Variants in SMURF2 observed in about 807,000 individuals in gnomAD.
The protein encoded by SMURF2 is SMAD specific E3 ubiquitin protein ligase 2.
SMURF2 carries 48 observed loss-of-function variants against 109.6 expected under a neutral mutation model. The ratio of observed to expected loss-of-function variants is 0.44; its 90% CI spans 0.35 to 0.56. SMURF2 has a LOEUF of 0.56. Among genes scored for constraint, SMURF2 ranks in the 20% least tolerant of loss-of-function variants. The probability of loss-of-function intolerance (pLI) is 0.01; values close to 1 mark genes in which losing one functional copy is unlikely to be tolerated. For synonymous variants in SMURF2, 288 were observed against 317.1 expected (o/e 0.91, Z 0.97); for missense variants, 575 against 909.0 (o/e 0.63, Z 4.72).
Position 64,554,890 on chromosome 17 carries a change from G to A in SMURF2, c.1714C>T (p.Pro572Ser). The change falls in exon 15 of 19, where the codon CCT (proline) becomes TCT (serine). Residue 572 changes from proline to serine, a missense_variant. Transcript: ENST00000262435. ...TCTTTTTTATTTTCTTCATTAACAG[G>A]GATACTTTTGCCATTTGGTTTAAGT... ...HELKPNGKSI[P>S]VNEENKKEYV... is the part of the protein sequence containing the mutation. The A allele has an allele frequency of 6.2e-7, 1 of 1,613,300 alleles. No homozygotes were observed. Among genetic ancestry groups the A allele is most frequent in the Non-Finnish European group, 8.5e-7 (1 of 1,179,628 alleles).
At chr17:64,575,970 C>T (rs1237723311) in intron 9 of SMURF2, among the ~76,000 whole-genome samples, 8 of 151,902 alleles carry the variant, frequency 5.3e-5, no homozygotes, top group African/African-American at 1.5e-4. Context: ...TTTGGGAGGC[C>T]GAGGTGCACA....
At chr17:64,624,891 G>T (rs1277425824) in intron 1 of SMURF2, among the ~76,000 whole-genome samples, 5 of 152,138 alleles carry the variant, frequency 3.3e-5, no homozygotes, top group African/African-American at 1.2e-4. Flanking sequence ...TTTATAGAGA[G>T]TATGAGCCAT....
intron 1 of SMURF2, among the ~76,000 whole-genome samples, chr17:64,636,589 C>T (rs1274700699): frequency 7.2e-6 from 1 of 138,026 alleles, no homozygotes; most frequent in Non-Finnish European, 1.5e-5. Flanking sequence ...GACATCAGGG[C>T]CAGACTCTGC....
intron 1 of SMURF2, among the ~76,000 whole-genome samples, chr17:64,628,115 C>T (rs1377599268): frequency 7.2e-5 from 11 of 152,236 alleles, no homozygotes; most frequent in Admixed American, 2.6e-4. Flanking sequence ...ATGGTGATTC[C>T]GCTGACTTTA....
intron 3 of SMURF2, chr17:64,594,209 C>T (rs1380922318): frequency 1.3e-5 from 2 of 152,128 alleles, no homozygotes; most frequent in Admixed American, 6.5e-5. Flanking sequence ...TGGCATCAAC[C>T]CATGCAAAAA....
At chr17:64,624,503 CAAAAAA>C (rs539075649) in intron 1 of SMURF2, among the ~76,000 whole-genome samples, 1 of 52,462 alleles carries the variant, frequency 1.9e-5, no homozygotes, top group African/African-American at 6.4e-5. Flanking sequence ...CAGGCCTCTA[CAAAAAA>C]AAAAAAAAAA....
Position 64,547,471 on chromosome 17 carries a change from T to G in SMURF2, c.2071+129A>C. The stretch of plus-strand genomic sequence containing the variant: ...GGAGGGAGAAGAAGGTATCACAATG[T>G]GAGAGTCACAGATAAGAAGTGAAAA... On this transcript the variant is annotated intron_variant, in intron 17 of 18. Transcript: ENST00000262435. This position sits in a 1 kb window ranked among gnomAD's most constrained non-coding sequence, Gnocchi z 4.2. The G allele has an allele frequency of 4.0e-6, 3 of 750,538 alleles. No individual in the cohort carries two copies. The highest frequency in any genetic ancestry group is 6.5e-6 in the Non-Finnish European group (3 of 458,076). 46.5% of individuals were successfully genotyped at this position (750,538 alleles called of 1,614,324 possible).
intron 1 of SMURF2, among the ~76,000 whole-genome samples, chr17:64,635,694 T>G (rs188126319): frequency 2.6e-5 from 4 of 152,222 alleles, no homozygotes; most frequent in Non-Finnish European, 5.9e-5. Context: ...TTCCATTGTA[T>G]AGATATGCCA....
At chr17:64,603,446 G>A (rs1180042122) in intron 2 of SMURF2, among the ~76,000 whole-genome samples, 5 of 151,998 alleles carry the variant, frequency 3.3e-5, no homozygotes, top group African/African-American at 9.7e-5. Context: ...GCTGGGTGTG[G>A]TGGCACATGC....
intron 1 of SMURF2, among the ~76,000 whole-genome samples, chr17:64,615,238 C>T (rs1970105440): frequency 6.6e-6 from 1 of 152,054 alleles, no homozygotes; most frequent in South Asian, 2.1e-4. Context: ...TCCAATTACA[C>T]TGCTGATTGG....
At position 64,545,853 on chromosome 17, in the gene SMURF2, C is replaced by A; in HGVS notation, c.2242G>T (p.Glu748Ter). The A allele has an allele frequency of 6.3e-7, 1 of 1,595,022 alleles. No individual in the cohort carries two copies. The highest frequency in any genetic ancestry group is 8.6e-7 in the Non-Finnish European group (1 of 1,163,138). ...AIEETCGFAV[E>*] ...GGGTAAATCCTTGAAGCTTGTCATT[C>A]CACAGCAAATCCACATGTTTCTTCA... Residue 748 changes from glutamate (E) to a stop codon, truncating the protein, a stop_gained, in exon 19 of 19, where the codon GAA (glutamate) becomes TAA (stop). Transcript: ENST00000262435. LOFTEE classifies it high-confidence loss of function.
At chr17:64,628,669 C>T (rs1004707370) in intron 1 of SMURF2, among the ~76,000 whole-genome samples, 1 of 152,178 alleles carries the variant, frequency 6.6e-6, no homozygotes, top group Non-Finnish European at 1.5e-5. Flanking sequence ...TAAACTCTAA[C>T]ACTAAGACAA....
chr17:64,551,616 G>C lies in SMURF2; in HGVS notation c.1837C>G (p.Leu613Val). 1.2e-6 allele frequency: 2 copies of C among 1,614,024 alleles called. No homozygotes were observed. The highest frequency in any genetic ancestry group is 1.7e-5 in the Admixed American group (1 of 60,018). ...KGFNEVIPQH[L>V]LKTFDEKELE... is the part of the protein sequence containing the mutation. ...TCCTTCTCATCAAATGTCTTCAGCA[G>C]ATGTTGTGGAATTACTTCATTAAAT... is the stretch of plus-strand genomic sequence containing the variant. The change falls in exon 16 of 19, where the codon CTG becomes GTG. Residue 613 changes from leucine to valine, a missense_variant. By Grantham distance (32) the Leu-to-Val change is conservative (BLOSUM62 1). Transcript: ENST00000262435.
chr17:64,592,561 ACT>A (rs1296543916), intron 4 of SMURF2, among the ~76,000 whole-genome samples: 1 of 151,866 alleles, frequency 6.6e-6, no homozygotes, highest in Non-Finnish European at 1.5e-5. Context: ...TGCTAAATTT[ACT>A]CTTTTTTGTT....
chr17:64,549,352 G>A (rs1365091023), intron 16 of SMURF2, among the ~76,000 whole-genome samples: 1 of 151,622 alleles, frequency 6.6e-6, no homozygotes, highest in Admixed American at 6.6e-5. Context: ...GGGAGACTGA[G>A]GTAGGAGGAT....
intron 1 of SMURF2, among the ~76,000 whole-genome samples, chr17:64,660,274 A>G (rs781628925): frequency 1.1e-4 from 16 of 152,160 alleles, no homozygotes; most frequent in Non-Finnish European, 1.9e-4. Flanking sequence ...ACCTGGGATC[A>G]CATGTTCTTT....
chr17:64,625,783 C>A (rs576906398), intron 1 of SMURF2, among the ~76,000 whole-genome samples: 2 of 152,234 alleles, frequency 1.3e-5, no homozygotes, highest in African/African-American at 4.8e-5. Context: ...GGTCTCAGCA[C>A]CAGACTTTGA....
intron 10 of SMURF2, among the ~76,000 whole-genome samples, chr17:64,567,530 T>C (rs1283638478): frequency 6.6e-6 from 1 of 152,204 alleles, no homozygotes; most frequent in South Asian, 2.1e-4. Flanking sequence ...TCTACTGAAA[T>C]ATTCTACTGG....
intron 1 of SMURF2, among the ~76,000 whole-genome samples, chr17:64,640,422 C>T (rs991623080): frequency 1.3e-5 from 2 of 152,022 alleles, no homozygotes; most frequent in African/African-American, 2.4e-5. Flanking sequence ...AGAAAATCCA[C>T]GTGACTAAAG....
Sources: allele counts gnomAD v4.1 joint callset (sites outside exome capture counted in the v4.1 genomes callset), GRCh38; gene constraint gnomAD v4.1.1; non-coding constraint Gnocchi (gnomAD v3.1); transcripts MANE v1.5; gene names NCBI Gene and HGNC (gene_info 2026-07-23, HGNC 2026-07-21).